Variants in METAP1D observed in about 807,000 individuals in gnomAD.
The protein encoded by METAP1D is methionine aminopeptidase 1D, mitochondrial.
METAP1D carries 31 observed loss-of-function variants against 40.5 expected under a neutral mutation model. The observed-to-expected ratio is 0.77, with a 90% CI of 0.58 to 1.03. METAP1D has a LOEUF of 1.03. Ranked by LOEUF, METAP1D falls within the 50% of genes least tolerant of loss-of-function variation. The probability of loss-of-function intolerance (pLI) is 0.00; values close to 1 mark genes in which losing one functional copy is unlikely to be tolerated. For synonymous variants in METAP1D, 151 were observed against 146.4 expected (o/e 1.03, Z -0.22); for missense variants, 411 against 420.7 (o/e 0.98, Z 0.20).
chr2:172,025,916 T>C (rs1420477748), intron 1 of METAP1D, among the ~76,000 whole-genome samples: 1 of 152,194 alleles, frequency 6.6e-6, no homozygotes, highest in Non-Finnish European at 1.5e-5. Flanking sequence ...TATCATTACA[T>C]CTAGTAAATA....
At chr2:172,000,487 T>A (rs7371631) in intron 1 of METAP1D, among the ~76,000 whole-genome samples, 28,264 of 152,186 alleles carry the variant, frequency 0.19, 3,834 homozygotes, top group African/African-American at 0.37. Flanking sequence ...AGAAAGGATG[T>A]CTGGGTAGTT....
chr2:172,017,814 A>C (rs1252638978), intron 1 of METAP1D, among the ~76,000 whole-genome samples: 1 of 152,128 alleles, frequency 6.6e-6, no homozygotes, highest in African/African-American at 2.4e-5. Flanking sequence ...AAATTAGATA[A>C]GGGTTAGTCC....
intron 6 of METAP1D, among the ~76,000 whole-genome samples, chr2:172,077,304 T>C (rs1690569571): frequency 6.6e-6 from 1 of 152,206 alleles, no homozygotes; most frequent in South Asian, 2.1e-4. Flanking sequence ...CACTTTGAAA[T>C]AGAGCAGAAA....
intron 1 of METAP1D, among the ~76,000 whole-genome samples, chr2:172,025,436 C>T (rs1689101501): frequency 6.6e-6 from 1 of 152,102 alleles, no homozygotes; most frequent in Non-Finnish European, 1.5e-5. Context: ...TCAATCAATC[C>T]ACCCACCTCA....
rs527429257 is a variant in METAP1D at position 172,080,661 on chromosome 2, T to C, written c.*255T>C. ...GGTTTCCCAGCGCGGTCAACGCATC[T>C]GGAGGGGACTGGAGGAAACCCCCTT... On this transcript the variant is annotated 3_prime_UTR_variant, in exon 10 of 10. Coordinates refer to ENST00000315796, the MANE Select transcript of METAP1D (RefSeq NM_199227.3). The C allele has an allele frequency of 1.0e-5, 6 of 585,340 alleles. No individual in the cohort carries two copies. Among genetic ancestry groups the C allele is most frequent in the South Asian group, 8.2e-5 (4 of 49,002 alleles). The allele number at this position is 585,340 out of a possible 1,614,324, so 36.3% of individuals were successfully genotyped here. A position where few individuals can be genotyped will look rare whatever the true frequency, so the allele number is the denominator to read the frequency against.
intron 1 of METAP1D, among the ~76,000 whole-genome samples, chr2:172,017,912 A>G (rs534230464): frequency 6.6e-5 from 10 of 152,110 alleles, no homozygotes; most frequent in East Asian, 3.9e-4. Flanking sequence ...GTGAATCACG[A>G]TATCAGGAGT....
At chr2:172,034,368 C>T (rs148276666) in intron 1 of METAP1D, among the ~76,000 whole-genome samples, 92 of 151,954 alleles carry the variant, frequency 6.1e-4, no homozygotes, top group Middle Eastern at 6.8e-3. Context: ...AATTTGTGAT[C>T]GTGGACAAAT....
chr2:172,073,223 C>T (rs572885456), intron 6 of METAP1D, among the ~76,000 whole-genome samples: 6 of 151,974 alleles, frequency 3.9e-5, no homozygotes, highest in South Asian at 4.2e-4. Flanking sequence ...TTTTTGTGTA[C>T]GACTTAACTC....
At chr2:172,020,470 T>C (rs912291439) in intron 1 of METAP1D, among the ~76,000 whole-genome samples, 1 of 152,192 alleles carries the variant, frequency 6.6e-6, no homozygotes, top group Non-Finnish European at 1.5e-5. Context: ...TACTGAAATG[T>C]AGAGTAAGGT....
rs943433576 is a variant in METAP1D at position 172,031,133 on chromosome 2, G to C, written c.41-30365G>C. ...TTGAAATAATTGGAAAGGTCCACTGGCCCTAAAATATGTCCCCTACAGCCT... is the reference window on the plus strand; with the variant it reads ...TTGAAATAATTGGAAAGGTCCACTGCCCCTAAAATATGTCCCCTACAGCCT... On this transcript the variant is annotated intron_variant, in intron 1 of 9. Transcript: ENST00000315796. Among the ~76,000 whole-genome samples, 8 of 152,164 alleles carry C rather than the reference G, an allele frequency of 5.3e-5. 1 individual carries two copies. Among genetic ancestry groups the C allele is most frequent in the Admixed American group, 4.6e-4 (7 of 15,274 alleles).
intron 1 of METAP1D, among the ~76,000 whole-genome samples, chr2:172,023,402 A>G (rs915659193): frequency 3.9e-5 from 6 of 152,304 alleles, no homozygotes; most frequent in Admixed American, 1.3e-4. Flanking sequence ...GAGGATTGTT[A>G]CAGTGATTTC....
intron 1 of METAP1D, among the ~76,000 whole-genome samples, chr2:172,042,819 G>GTA (rs1437090792): frequency 1.5e-5 from 1 of 67,356 alleles, no homozygotes; most frequent in Non-Finnish European, 3.2e-5. Flanking sequence ...ATATACGTGT[G>GTA]TGTGTATATG....
intron 1 of METAP1D, among the ~76,000 whole-genome samples, chr2:172,017,535 G>T (rs1477609718): frequency 6.6e-6 from 1 of 151,908 alleles, no homozygotes; most frequent in Non-Finnish European, 1.5e-5. Flanking sequence ...GTGGTAAGTG[G>T]TAGATTTCTG....
intron 1 of METAP1D, among the ~76,000 whole-genome samples, chr2:172,011,050 C>T (rs527495327): frequency 6.6e-6 from 1 of 152,228 alleles, no homozygotes; most frequent in African/African-American, 2.4e-5. Context: ...CCACCGCGCC[C>T]AGCCTGTCTG....
At chr2:172,033,854 G>C (rs945284671) in intron 1 of METAP1D, among the ~76,000 whole-genome samples, 1 of 151,680 alleles carries the variant, frequency 6.6e-6, no homozygotes, top group African/African-American at 2.4e-5. Context: ...AGGCGGGGGG[G>C]ATCACGAGGT....
At chr2:172,069,156 A>G (rs879626748) in intron 5 of METAP1D, among the ~76,000 whole-genome samples, 1 of 152,272 alleles carries the variant, frequency 6.6e-6, no homozygotes, top group Admixed American at 6.5e-5. Flanking sequence ...GTCTCACGCA[A>G]TCCTCTCATC....
At chr2:172,009,821 G>T (rs989097200) in intron 1 of METAP1D, among the ~76,000 whole-genome samples, 16 of 152,048 alleles carry the variant, frequency 1.1e-4, no homozygotes, top group Non-Finnish European at 1.9e-4. Context: ...CTGAACTAGG[G>T]TAATGACTGC....
chr2:172,033,196 A>G (rs1689279837), intron 1 of METAP1D, among the ~76,000 whole-genome samples: 1 of 152,172 alleles, frequency 6.6e-6, no homozygotes, highest in African/African-American at 2.4e-5. Context: ...TACAACTGGT[A>G]AGTTACAGAA....
At chr2:172,006,555 A>G (rs897401223) in intron 1 of METAP1D, among the ~76,000 whole-genome samples, 2 of 152,190 alleles carry the variant, frequency 1.3e-5, no homozygotes, top group Middle Eastern at 3.2e-3. Flanking sequence ...TGTGGATGCT[A>G]TATATCTTAG....
Sources: allele counts gnomAD v4.1 joint callset (sites outside exome capture counted in the v4.1 genomes callset), GRCh38; gene constraint gnomAD v4.1.1; transcripts MANE v1.5; gene names NCBI Gene and HGNC (gene_info 2026-07-23, HGNC 2026-07-21).